The following NBPF9 variants were observed in gnomAD, a reference collection of about 807,000 sequenced individuals.
NBPF9 encodes the protein NBPF family member NBPF9.
A neutral mutation model predicts 97.8 loss-of-function variants in NBPF9; 91 were observed. That is an observed-to-expected ratio of 0.93 (90% CI 0.79 to 1.11). The LOEUF is 1.11. Among genes scored for constraint, NBPF9 ranks in the 50% least tolerant of loss-of-function variants. The probability of loss-of-function intolerance (pLI) is 0.00; values close to 1 mark genes in which losing one functional copy is unlikely to be tolerated. For missense variants in NBPF9, 992 were observed against 939.5 expected (o/e 1.06, Z -0.73); for synonymous variants, 334 against 359.5 (o/e 0.93, Z 0.80).
rs1366933829 is a variant in NBPF9, at chr1:149,059,291, G to T, written c.2586-194C>A. On this transcript the variant is annotated intron_variant, in intron 25 of 29. Transcript: ENST00000584027. The stretch of plus-strand genomic sequence containing the variant: ...GAAAAGAATGAAAGAGAAAGACAGG[G>T]AGAGACAGAGACAGAGACAGAGAGA... 2.9e-5 allele frequency: 14 copies of T among 484,990 alleles called. 5 individuals carry two copies. In the African/African-American group the frequency reaches 3.4e-4, roughly 12 times the overall value. The allele number at this position is 484,990 out of a possible 1,614,324, so 30.0% of individuals were successfully genotyped here. A position where few individuals can be genotyped will look rare whatever the true frequency, so the allele number is the denominator to read the frequency against.
Position 149,081,939 on chromosome 1 carries a change from C to G in NBPF9, c.175+26G>C, listed in dbSNP as rs781925667. On this transcript the variant is annotated intron_variant, in intron 7 of 29. Transcript: ENST00000584027. ...AAGACAGGACATCATTCATCACTTT[C>G]ATGACGGTGAGCCTATAGATCTTAC... 549 of 1,502,074 alleles carry G rather than the reference C, an allele frequency of 3.7e-4. 5 individuals carry two copies. In the African/African-American group the frequency reaches 6.8e-3, roughly 19 times the overall value. The allele number at this position is 1,502,074 out of a possible 1,614,324, so 93.0% of individuals were successfully genotyped here.
At chr1:149,084,711 C>T (rs1274917932) in intron 5 of NBPF9, among the ~76,000 whole-genome samples, 1 of 151,606 alleles carries the variant, frequency 6.6e-6, no homozygotes, top group East Asian at 2.0e-4. Flanking sequence ...CAGGGAAAAC[C>T]TTCCTCAACA....
At chr1:149,064,887 G>C in intron 18 of NBPF9, 2 of 526,950 alleles carry the variant, frequency 3.8e-6, no homozygotes, top group Non-Finnish European at 3.4e-6. Flanking sequence ...ATGAGGGGGT[G>C]CAATGAACCA....
intron 12 of NBPF9, among the ~76,000 whole-genome samples, chr1:149,074,096 G>C (rs1454190196): frequency 2.0e-5 from 3 of 151,250 alleles, no homozygotes; most frequent in South Asian, 4.2e-4. Context: ...CATCAAGGAA[G>C]TTGACAAGAT....
Position 149,076,246 on chromosome 1 carries a change from GA to G in NBPF9, c.779-383del, listed in dbSNP as rs1298596540. Among the ~76,000 whole-genome samples the G allele has an allele frequency of 5.9e-5, 9 of 151,302 alleles. 1 individual carries two copies. Among genetic ancestry groups the G allele is most frequent in the Non-Finnish European group, 1.3e-4 (9 of 67,686 alleles). On this transcript the variant is annotated intron_variant, in intron 11 of 29. Coordinates refer to ENST00000584027, the Ensembl canonical transcript of NBPF9. ...AGAGTCTCACTCTGTCACGCAGGCT[GA>G]AGTGCAGAGGCACAATCTCAGCTCA...
chr1:149,077,883 C>T, exon 10 of NBPF9: 1 of 1,571,814 alleles, frequency 6.4e-7, no homozygotes. Flanking sequence ...TCAGTGTTAC[C>T]TGGGGGCAGA....
At chr1:149,059,185 C>G (rs1162045752) in intron 25 of NBPF9, 88 bp from the exon 26 acceptor site, 1 of 426,494 alleles carries the variant, frequency 2.3e-6, no homozygotes, top group Non-Finnish European at 4.3e-6. Context: ...ACATAAGGAA[C>G]TGTTTAAAAA....
intron 11 of NBPF9, among the ~76,000 whole-genome samples, chr1:149,076,412 G>A (rs1553654341): frequency 6.6e-6 from 1 of 151,080 alleles, no homozygotes; most frequent in Middle Eastern, 3.2e-3. Flanking sequence ...GGACAGGCTG[G>A]TTTCGAACTC....
At chr1:149,102,060 C>G (rs587679120) in intron 2 of NBPF9, among the ~76,000 whole-genome samples, 1 of 105,346 alleles carries the variant, frequency 9.5e-6, no homozygotes, top group Non-Finnish European at 1.9e-5. Context: ...TACCAGGTAG[C>G]TGGGACTACA....
At chr1:149,064,344 A>G in intron 19 of NBPF9, 87 bp downstream of exon 19, 2 of 790,564 alleles carry the variant, frequency 2.5e-6, no homozygotes, top group Middle Eastern at 3.7e-4. Context: ...AGACAAAATC[A>G]TTATTTTCAG....
chr1:149,081,788 C>T (rs1244563378), intron 7 of NBPF9, among the ~76,000 whole-genome samples, 177 bp downstream of exon 7: 19 of 130,296 alleles, frequency 1.5e-4, no homozygotes, highest in Non-Finnish European at 2.9e-4. Context: ...TGGAAAGTTG[C>T]TAAATACTTT....
intron 13 of NBPF9, 136 bp from the exon 14 acceptor site, chr1:149,073,068 T>A: frequency 2.7e-6 from 2 of 740,704 alleles, no homozygotes; most frequent in Non-Finnish European, 4.7e-6. Context: ...TAAAGGAATG[T>A]CTGTGGCCAA....
chr1:149,075,462 CA>C (rs1224592964), intron 12 of NBPF9, among the ~76,000 whole-genome samples, 192 bp downstream of exon 12: 2 of 152,176 alleles, frequency 1.3e-5, no homozygotes, highest in African/African-American at 4.8e-5. Flanking sequence ...CACCTGATTG[CA>C]AACATGGAAA....
intron 17 of NBPF9, among the ~76,000 whole-genome samples, chr1:149,068,323 C>G (rs1317755849): frequency 2.0e-5 from 3 of 151,090 alleles, no homozygotes; most frequent in Non-Finnish European, 2.9e-5. Flanking sequence ...TTAAAAAACA[C>G]AGAATGGCAA....
Position 149,060,036 on chromosome 1 carries a change from A to G in NBPF9, c.2477-228T>C. ...CCTATTCTAGTAGATCGTTATCCCA[A>G]TATCATTGGTCCCAAATTTGTGCAA... On this transcript the variant is annotated intron_variant, in intron 24 of 29. Transcript: ENST00000584027. 1.1e-5 allele frequency: 4 copies of G among 355,270 alleles called. 1 individual carries two copies. The highest frequency in any genetic ancestry group is 2.1e-5 in the Non-Finnish European group (4 of 194,750). 22.0% of individuals were successfully genotyped at this position (355,270 alleles called of 1,614,324 possible).
At chr1:149,079,535 T>C (rs1230938503) in intron 8 of NBPF9, among the ~76,000 whole-genome samples, 5 of 149,802 alleles carry the variant, frequency 3.3e-5, no homozygotes, top group Non-Finnish European at 7.4e-5. Flanking sequence ...GCCATGGACA[T>C]TTCCATGTGA....
intron 7 of NBPF9, among the ~76,000 whole-genome samples, chr1:149,080,412 G>C (rs1450702175): frequency 6.6e-6 from 1 of 150,888 alleles, no homozygotes; most frequent in Non-Finnish European, 1.5e-5. Context: ...CAACGAAGTG[G>C]AGTCAGAACT....
At chr1:149,077,754 G>A (rs1260791520) in intron 10 of NBPF9, 129 bp downstream of exon 10, 1 of 1,294,118 alleles carries the variant, frequency 7.7e-7, no homozygotes. Flanking sequence ...TCTAAGCTGG[G>A]TTCAATTTCA....
chr1:149,063,398 G>A (rs1396486797), intron 20 of NBPF9, among the ~76,000 whole-genome samples: 4 of 138,758 alleles, frequency 2.9e-5, no homozygotes, highest in Non-Finnish European at 6.1e-5. Context: ...TGTCATGAGA[G>A]TAGGATTAGG....
Sources: gnomAD v4.1 joint callset for allele counts (sites outside exome capture counted in the v4.1 genomes callset) on GRCh38, gnomAD v4.1.1 for gene constraint, MANE v1.5 for transcripts, NCBI Gene and HGNC (gene_info 2026-07-23, HGNC 2026-07-21) for gene names.